C16orf96: variants seen among roughly 807,000 people sequenced by gnomAD.
C16orf96 encodes uncharacterized protein C16orf96.
A neutral mutation model predicts 103.6 loss-of-function variants in C16orf96; 108 were observed. That is an observed-to-expected ratio of 1.04 (90% confidence interval 0.89 to 1.22). C16orf96 has a LOEUF of 1.22. Ranked by LOEUF, C16orf96 falls within the 50% of genes most tolerant of loss-of-function variation. The pLI is 0.00. For synonymous variants in C16orf96, 566 were observed against 593.5 expected, an observed-to-expected ratio of 0.95 and a Z score of 0.67; for missense variants, 1,586 against 1,464.2, an observed-to-expected ratio of 1.08 and a Z score of -1.36.
chr16:4,585,974 T>C (rs922527833), intron 7 of C16orf96, among the ~76,000 whole-genome samples: 1 of 152,044 alleles, frequency 6.6e-6, no homozygotes, highest in African/African-American at 2.4e-5. Context: ...AAACTACATA[T>C]TGGAGCCAGG....
chr16:4,581,312 G>T (rs1226513860), intron 7 of C16orf96, among the ~76,000 whole-genome samples: 1 of 149,232 alleles, frequency 6.7e-6, no homozygotes, highest in African/African-American at 2.5e-5. Context: ...TCCAGCCTGG[G>T]CAACAAGAGC....
At chr16:4,590,699 A>G (rs1212122366) in intron 9 of C16orf96, among the ~76,000 whole-genome samples, 4 of 151,392 alleles carry the variant, frequency 2.6e-5, no homozygotes, top group Non-Finnish European at 5.9e-5. Flanking sequence ...CCTGGCCAAT[A>G]TGGTGAAACC....
In C16orf96 at chr16:4,576,472, C is replaced by G; in HGVS notation, c.1992C>G (p.Ser664=). The change falls in exon 5 of 16, where the codon TCC becomes TCG. Residue 664 remains serine (S), a synonymous_variant. Transcript: ENST00000444310. ...GCATCGGTCCCGATCCAGCCCTGTC[C>G]CAGGCCATGGTGGCTACCAAGCAGG... is the stretch of plus-strand genomic sequence containing the variant. The part of the protein sequence containing the change: ...AASIGPDPAL[S]QAMVATKQAM... The G allele has an allele frequency of 6.4e-7, 1 of 1,551,474 alleles. No individual in the cohort carries two copies. Among genetic ancestry groups the G allele is most frequent in the Non-Finnish European group, 8.7e-7 (1 of 1,147,010 alleles).
chr16:4,592,478 T>C lies in C16orf96; in HGVS notation c.2774+111T>C, dbSNP rs1596537968. The C allele has an allele frequency of 4.0e-6, 5 of 1,236,876 alleles. No homozygotes were observed. The Admixed American group carries it at 1.0e-4, about 25-fold the overall frequency. The allele number at this position is 1,236,876 out of a possible 1,614,324, so 76.6% of individuals were successfully genotyped here. ...TCCATGCACGCTGTGTGTCTACACA[T>C]CCATATACAGCATTCTCTCCAGCCA... On this transcript the variant is annotated intron_variant, in intron 11 of 15. Coordinates refer to ENST00000444310, the MANE Select transcript of C16orf96 (RefSeq NM_001145011.2).
chr16:4,585,895 G>GTTT (rs1896916576), intron 7 of C16orf96, among the ~76,000 whole-genome samples: 2 of 152,164 alleles, frequency 1.3e-5, no homozygotes, highest in South Asian at 4.1e-4. Context: ...AGCCATAGGT[G>GTTT]TGAAAAGACA....
At chr16:4,543,209 C>A in the C16orf96 span, among the ~76,000 whole-genome samples, 3 of 152,028 alleles carry the variant, frequency 2.0e-5, no homozygotes, top group African/African-American at 7.2e-5. Flanking sequence ...TGTAGGATTC[C>A]CCAGGTGAAA....
upstream of C16orf96, among the ~76,000 whole-genome samples, chr16:4,554,318 G>A (rs1043942831): frequency 1.1e-4 from 16 of 152,196 alleles, no homozygotes; most frequent in African/African-American, 3.9e-4. Context: ...GACATGCAGG[G>A]CCTAGAAAGG....
chr16:4,558,753 A>G (rs1313570611), intron 1 of C16orf96, among the ~76,000 whole-genome samples: 1 of 151,980 alleles, frequency 6.6e-6, no homozygotes, highest in Non-Finnish European at 1.5e-5. Context: ...TGTCTCTACT[A>G]AAAATACAAA....
In C16orf96 at chr16:4,575,666, C is replaced by A; in HGVS notation, c.1186C>A (p.Pro396Thr). Reference protein sequence around the residue: ...WPALPRRWPLPQGWPRVGSWP... With the variant: ...WPALPRRWPLTQGWPRVGSWP... ...TGCACTCCCAAGACGCTGGCCTCTT[C>A]CCCAAGGCTGGCCCAGGGTGGGCTC... The change falls in exon 5 of 16, where the codon CCC (proline) becomes ACC (threonine). Residue 396 changes from proline (P) to threonine (T), a missense_variant. Physicochemically the swap from Pro to Thr is conservative, Grantham distance 38. Transcript: ENST00000444310. 1 of 1,535,706 alleles carries A rather than the reference C, an allele frequency of 6.5e-7. No individual in the cohort carries two copies. The highest frequency in any genetic ancestry group is 8.8e-7 in the Non-Finnish European group (1 of 1,140,124).
At chr16:4,557,552 T>C (rs1397531232) in intron 1 of C16orf96, among the ~76,000 whole-genome samples, 1 of 152,222 alleles carries the variant, frequency 6.6e-6, no homozygotes, top group Non-Finnish European at 1.5e-5. Flanking sequence ...GGGTTTCCTT[T>C]TGGGGTGATG....
chr16:4,563,115 T>C, intron 1 of C16orf96: 2 of 773,588 alleles, frequency 2.6e-6, no homozygotes, highest in Non-Finnish European at 4.6e-6. Flanking sequence ...TGCTTTTTCC[T>C]CTTTAAGTTT....
chr16:4,574,835 C>T, intron 3 of C16orf96, 46 bp downstream of exon 3: 1 of 1,541,004 alleles, frequency 6.5e-7, no homozygotes, highest in Non-Finnish European at 8.8e-7. Flanking sequence ...CTGGGACCCC[C>T]CAACCTCCCG....
At chr16:4,577,215 C>T (rs182437692) in intron 5 of C16orf96, among the ~76,000 whole-genome samples, 4 of 152,064 alleles carry the variant, frequency 2.6e-5, no homozygotes, top group African/African-American at 4.8e-5. Context: ...ACAAAAAAAA[C>T]TCCTTTGTGA....
the C16orf96 span, among the ~76,000 whole-genome samples, chr16:4,543,772 G>A: frequency 1.8e-3 from 270 of 152,080 alleles, 4 homozygotes; most frequent in African/African-American, 6.3e-3. Flanking sequence ...CATCCAAGTA[G>A]CTGGAATTAC....
At chr16:4,578,447 A>G (rs974030104) in intron 5 of C16orf96, among the ~76,000 whole-genome samples, 1 of 152,016 alleles carries the variant, frequency 6.6e-6, no homozygotes, top group Admixed American at 6.6e-5. Context: ...CTGATAAAAA[A>G]AATTTTTTTT....
Position 4,588,224 on chromosome 16 carries a change from G to A in C16orf96, c.2485G>A (p.Ala829Thr). ...KASRVDLETV[A>T]LELNEMIQGI... ...AAGCCGCGTTGACCTGGAGACTGTG[G>A]CCTTGGAGCTGAACGAGATGATTCA... The change falls in exon 9 of 16, where the codon GCC becomes ACC. Residue 829 changes from alanine to threonine, a missense_variant. Transcript: ENST00000444310. 6.4e-7 allele frequency: 1 copy of A among 1,551,690 alleles called. No individual in the cohort carries two copies. The highest frequency in any genetic ancestry group is 8.7e-7 in the Non-Finnish European group (1 of 1,146,998).
upstream of C16orf96, among the ~76,000 whole-genome samples, chr16:4,555,683 TTTTTC>T (rs1260651364): frequency 3.3e-4 from 50 of 150,594 alleles, no homozygotes; most frequent in Non-Finnish European, 5.2e-4. Context: ...TTCTCTTTTC[TTTTTC>T]TTTTCTTTTC....
rs866365675 is a variant in C16orf96 at position 4,600,111 on chromosome 16, C to G, written c.3220C>G (p.Arg1074Gly). 1 of 1,551,596 alleles carries G rather than the reference C, an allele frequency of 6.4e-7. No homozygotes were observed. Among genetic ancestry groups the G allele is most frequent in the South Asian group, 1.2e-5 (1 of 84,066 alleles). ...FGAICPPLCPRSSACSAASGP... is the reference protein window; with the variant it reads ...FGAICPPLCPGSSACSAASGP... ...CTGCCCCTCCCCAGCCCTGTGCCCC[C>G]GCTCCAGTGCCTGCTCAGCTGCCTC... Residue 1074 changes from arginine (R) to glycine (G), a missense_variant, in exon 16 of 16, where the codon CGC becomes GGC. Coordinates refer to ENST00000444310, the MANE Select transcript of C16orf96 (RefSeq NM_001145011.2).
rs1897238045 is a variant in C16orf96, at chr16:4,599,344, T to C, written c.3188T>C (p.Leu1063Pro). 7 of 1,551,494 alleles carry C rather than the reference T, an allele frequency of 4.5e-6. No individual in the cohort carries two copies. In the Admixed American group the frequency reaches 7.8e-5, roughly 17 times the overall value. Residue 1063 changes from leucine to proline, a missense_variant, in exon 15 of 16, where the codon CTA becomes CCA. Transcript: ENST00000444310. ...SLYDRVHSSALFGAICPPLCP... is the reference protein window; with the variant it reads ...SLYDRVHSSAPFGAICPPLCP... The stretch of plus-strand genomic sequence containing the variant: ...TATGACCGTGTGCACTCCAGTGCCC[T>C]ATTTGGCGCCATCTGCCCCCGTGAG...
Sources: allele counts gnomAD v4.1 joint callset (sites outside exome capture counted in the v4.1 genomes callset), GRCh38; gene constraint gnomAD v4.1.1; transcripts MANE v1.5; gene names NCBI Gene and HGNC (gene_info 2026-07-23, HGNC 2026-07-21).